The following UBAP2 variants were observed in gnomAD, a reference collection of about 807,000 sequenced individuals.
UBAP2 encodes the protein ubiquitin associated protein 2, also known as ubiquitin-associated protein 2.
A neutral mutation model predicts 139.6 loss-of-function variants in UBAP2; 75 were observed. The observed-to-expected ratio is 0.54, with a 90% CI of 0.45 to 0.65. UBAP2 has a LOEUF of 0.65. Among genes scored for constraint, UBAP2 ranks in the 30% least tolerant of loss-of-function variants. The pLI is 0.00. For missense variants in UBAP2, 1,368 were observed against 1,369.6 expected, an observed-to-expected ratio of 1.00 and a Z score of 0.02; for synonymous variants, 526 against 526.2, an observed-to-expected ratio of 1.00 and a Z score of 0.01.
chr9:34,039,382 G>C (rs1219722200), intron 1 of UBAP2, among the ~76,000 whole-genome samples: 7 of 152,356 alleles, frequency 4.6e-5, no homozygotes, highest in East Asian at 3.9e-4. Flanking sequence ...AACGGGCCAT[G>C]ATGACGATGG....
intron 9 of UBAP2, 141 bp downstream of exon 9, chr9:33,963,585 C>G: frequency 1.9e-6 from 1 of 525,042 alleles, no homozygotes; most frequent in Admixed American, 3.2e-5. Flanking sequence ...AACTGCAAAT[C>G]TGATTACCAA....
At chr9:33,930,945 A>G (rs307644) in intron 19 of UBAP2, among the ~76,000 whole-genome samples, 146,400 of 148,666 alleles carry the variant, frequency 0.98, 72,136 homozygotes, top group East Asian at 1. Context: ...AAATGACTAC[A>G]TGTATGCACT....
intron 6 of UBAP2, among the ~76,000 whole-genome samples, chr9:33,973,962 T>C (rs1019668773): frequency 2.6e-5 from 4 of 152,106 alleles, no homozygotes; most frequent in Non-Finnish European, 5.9e-5. Context: ...ATCTCAACAA[T>C]TTGGGAGGCT....
At chr9:33,922,638 C>G in intron 28 of UBAP2, 39 bp from the exon 29 acceptor site, 1 of 1,599,762 alleles carries the variant, frequency 6.3e-7, no homozygotes, top group Non-Finnish European at 8.5e-7. Flanking sequence ...AAGGCTGGAG[C>G]AGAACCCCTG....
At chr9:33,942,932 C>T (rs307660) in intron 15 of UBAP2, among the ~76,000 whole-genome samples, 91,532 of 151,906 alleles carry the variant, frequency 0.6, 27,659 homozygotes, top group East Asian at 0.73. Flanking sequence ...GACTCAGCAA[C>T]TCTACTCCTG....
chr9:34,030,993 C>A (rs1226063230), intron 1 of UBAP2, among the ~76,000 whole-genome samples: 2 of 152,060 alleles, frequency 1.3e-5, no homozygotes, highest in African/African-American at 4.8e-5. Flanking sequence ...GCCTATAATC[C>A]CAGCATTTTG....
intron 1 of UBAP2, among the ~76,000 whole-genome samples, chr9:34,033,511 A>C (rs1798723390): frequency 6.6e-6 from 1 of 152,122 alleles, no homozygotes; most frequent in Non-Finnish European, 1.5e-5. Flanking sequence ...GTTATTGAGT[A>C]CAAAAATAAT....
At chr9:33,962,470 AC>A (rs1293794286) in intron 9 of UBAP2, among the ~76,000 whole-genome samples, 1 of 151,580 alleles carries the variant, frequency 6.6e-6, no homozygotes, top group Non-Finnish European at 1.5e-5. Flanking sequence ...ATATGATGAA[AC>A]CCCGTCTCTA....
Position 33,971,067 on chromosome 9 carries a change from T to C in UBAP2, c.679+584A>G, listed in dbSNP as rs557750874. ...ATCCATCTGCCTCGGCCTCCCAAAG[T>C]GCTGGGATTACAGGTGTGAGCCACC... is the stretch of plus-strand genomic sequence containing the variant. On this transcript the variant is annotated intron_variant, in intron 8 of 28. Coordinates refer to ENST00000379238, the MANE Select transcript of UBAP2 (RefSeq NM_001370062.2). Among the ~76,000 whole-genome samples the C allele has an allele frequency of 2.7e-4, 41 of 152,332 alleles. 1 individual carries two copies. The South Asian group carries it at 7.7e-3, about 28-fold the overall frequency.
chr9:34,029,879 C>T (rs1474971583), intron 1 of UBAP2, among the ~76,000 whole-genome samples: 5 of 151,072 alleles, frequency 3.3e-5, no homozygotes, highest in African/African-American at 4.9e-5. Context: ...CCCAGCTACT[C>T]GGGAGGCTGA....
intron 12 of UBAP2, among the ~76,000 whole-genome samples, chr9:33,949,947 G>A (rs1825964228): frequency 6.6e-6 from 1 of 152,130 alleles, no homozygotes; most frequent in Non-Finnish European, 1.5e-5. Flanking sequence ...GTCCTGTCAG[G>A]TCGAGATCCA....
intron 4 of UBAP2, among the ~76,000 whole-genome samples, chr9:33,990,568 CA>C (rs1274810935): frequency 2.0e-5 from 3 of 151,562 alleles, no homozygotes; most frequent in Non-Finnish European, 4.4e-5. Context: ...GAGGTATTAT[CA>C]TACAGTTCTG....
chr9:34,003,787 C>T (rs981205521), intron 2 of UBAP2, among the ~76,000 whole-genome samples: 2 of 151,862 alleles, frequency 1.3e-5, no homozygotes, highest in African/African-American at 4.8e-5. Flanking sequence ...GTGGTGCGAT[C>T]TTGGCTACTG....
At chr9:34,038,824 G>A (rs531710220) in intron 1 of UBAP2, among the ~76,000 whole-genome samples, 22 of 151,112 alleles carry the variant, frequency 1.5e-4, no homozygotes, top group African/African-American at 4.6e-4. Context: ...CCGCCATCCC[G>A]TCTAGGAAGT....
At chr9:34,036,098 C>A (rs749648373) in intron 1 of UBAP2, among the ~76,000 whole-genome samples, 5 of 151,650 alleles carry the variant, frequency 3.3e-5, no homozygotes, top group Admixed American at 6.6e-5. Context: ...ATTGTAACTT[C>A]AGGAATTTGA....
At chr9:33,958,407 T>TC (rs1826743527) in intron 10 of UBAP2, among the ~76,000 whole-genome samples, 1 of 132,080 alleles carries the variant, frequency 7.6e-6, no homozygotes, top group Non-Finnish European at 1.7e-5. Context: ...ACTGAATGGT[T>TC]CCCCACCCCC....
chr9:34,018,451 T>C (rs1824593866), intron 1 of UBAP2, among the ~76,000 whole-genome samples: 1 of 145,582 alleles, frequency 6.9e-6, no homozygotes, highest in African/African-American at 2.5e-5. Context: ...GGTGGTTCCT[T>C]AAAAAAAAAA....
At chr9:34,027,670 A>AC (rs1564069888) in intron 1 of UBAP2, among the ~76,000 whole-genome samples, 1 of 150,682 alleles carries the variant, frequency 6.6e-6, no homozygotes, top group East Asian at 2.0e-4. Flanking sequence ...ATCCTGGCTA[A>AC]CACGGCGAAA....
In UBAP2 at chr9:33,948,483, C is replaced by T; in HGVS notation, c.1161G>A (p.Gln387=). The change falls in exon 13 of 29, where the codon CAG becomes CAA. Residue 387 remains glutamine, a synonymous_variant. Coordinates refer to ENST00000379238, the MANE Select transcript of UBAP2 (RefSeq NM_001370062.2). ...LDQLKAPSLG[Q]FTTTPSTQQN... ...GCTGTGTACTTGGGGTGGTGGTAAA[C>T]TGGCCCAAACTCGGAGCTTTCAACT... 6.2e-7 allele frequency: 1 copy of T among 1,614,182 alleles called. No homozygotes were observed. The highest frequency in any genetic ancestry group is 8.5e-7 in the Non-Finnish European group (1 of 1,180,044).
Sources: allele counts gnomAD v4.1 joint callset (sites outside exome capture counted in the v4.1 genomes callset), GRCh38; gene constraint gnomAD v4.1.1; transcripts MANE v1.5; gene names NCBI Gene and HGNC (gene_info 2026-07-23, HGNC 2026-07-21).